Variants in UBE2L3 observed in about 807,000 individuals in gnomAD.
The protein encoded by UBE2L3 is ubiquitin-conjugating enzyme E2 L3.
In UBE2L3, 1 loss-of-function variant was observed where a neutral mutation model predicts 17.8. That is an observed-to-expected ratio of 0.06 (90% CI 0.02 to 0.27). The LOEUF is 0.27. UBE2L3 is among the 10% of genes least tolerant of loss of function. The pLI is 1.00. For missense variants in UBE2L3, 40 were observed against 192.6 expected, an observed-to-expected ratio of 0.21 and a Z score of 4.69; for synonymous variants, 44 against 68.5, an observed-to-expected ratio of 0.64 and a Z score of 1.76.
intron 1 of UBE2L3, among the ~76,000 whole-genome samples, chr22:21,583,917 C>T (rs1297116321): frequency 6.6e-6 from 1 of 152,054 alleles, no homozygotes; most frequent in Non-Finnish European, 1.5e-5. Context: ...ACTCGTTGCC[C>T]AGGCCGGAGT....
At chr22:21,617,598 A>AG (rs1201231426) in intron 3 of UBE2L3, among the ~76,000 whole-genome samples, 1 of 152,096 alleles carries the variant, frequency 6.6e-6, no homozygotes, top group Non-Finnish European at 1.5e-5. Flanking sequence ...TACATTTTGC[A>AG]GAAAAAAAAA....
At chr22:21,566,854 C>CT (rs1926657733), upstream of UBE2L3, among the ~76,000 whole-genome samples, 2 of 152,196 alleles carry the variant, frequency 1.3e-5, no homozygotes, top group Non-Finnish European at 2.9e-5. Context: ...CCAGCATTGG[C>CT]TTTGGAGCCA....
At chr22:21,563,191 G>A (rs1310060425), upstream of UBE2L3, among the ~76,000 whole-genome samples, 1 of 147,750 alleles carries the variant, frequency 6.8e-6, no homozygotes, top group East Asian at 2.0e-4. Flanking sequence ...GCAGTGAGCC[G>A]AGATTGCGCC....
intron 1 of UBE2L3, chr22:21,568,412 C>G: frequency 2.0e-6 from 2 of 985,418 alleles, no homozygotes; most frequent in Non-Finnish European, 1.2e-6. Context: ...TGAGGTCGGC[C>G]CCGATCGCGG....
rs1208813458 is a variant in UBE2L3 at position 21,576,446 on chromosome 22, C to T, written c.27+8675C>T. ...CCGAGTAGCCAGGACTACAAGTGCCCGCCACCATGCCCAGCTAATTTTTTT... is the reference window on the plus strand; with the variant it reads ...CCGAGTAGCCAGGACTACAAGTGCCTGCCACCATGCCCAGCTAATTTTTTT... On this transcript the variant is annotated intron_variant, in intron 1 of 3. Transcript: ENST00000342192. Among the ~76,000 whole-genome samples the T allele has an allele frequency of 3.9e-5, 6 of 151,928 alleles. No individual in the cohort carries two copies. The South Asian group carries it at 1.0e-3, about 26-fold the overall frequency.
At chr22:21,581,421 C>T (rs1163960467) in intron 1 of UBE2L3, among the ~76,000 whole-genome samples, 1 of 152,050 alleles carries the variant, frequency 6.6e-6, no homozygotes, top group Non-Finnish European at 1.5e-5. Context: ...AACTCCTGGC[C>T]TCAAGCGATC....
chr22:21,615,685 C>A (rs764548448), intron 3 of UBE2L3, among the ~76,000 whole-genome samples: 3 of 152,190 alleles, frequency 2.0e-5, no homozygotes, highest in Non-Finnish European at 2.9e-5. Flanking sequence ...TGCCTACTCA[C>A]TAAAGTTTTT....
chr22:21,581,851 C>T (rs924991449), intron 1 of UBE2L3, among the ~76,000 whole-genome samples: 4 of 151,468 alleles, frequency 2.6e-5, no homozygotes, highest in Non-Finnish European at 4.4e-5. Context: ...GTAGCTCATG[C>T]CTATAATCCC....
intron 1 of UBE2L3, among the ~76,000 whole-genome samples, chr22:21,562,584 G>A (rs957958834): frequency 7.9e-5 from 12 of 151,404 alleles, no homozygotes; most frequent in African/African-American, 2.9e-4. Flanking sequence ...TGTTAGCCAG[G>A]ATGGTCTCGA....
At chr22:21,577,242 AC>A (rs1216510358) in intron 1 of UBE2L3, among the ~76,000 whole-genome samples, 1 of 152,070 alleles carries the variant, frequency 6.6e-6, no homozygotes, top group African/African-American at 2.4e-5. Flanking sequence ...TGCTGGTATT[AC>A]AGGCGTGAGC....
chr22:21,602,380 A>G (rs1928913415), intron 2 of UBE2L3, among the ~76,000 whole-genome samples: 1 of 152,212 alleles, frequency 6.6e-6, no homozygotes, highest in South Asian at 2.1e-4. Flanking sequence ...CAGCAGTCCA[A>G]GTCAGACAAC....
intron 1 of UBE2L3, among the ~76,000 whole-genome samples, chr22:21,556,349 C>T (rs1293633477): frequency 6.6e-6 from 1 of 152,192 alleles, no homozygotes; most frequent in East Asian, 1.9e-4. Context: ...GAGCAATGAT[C>T]ATGCCACTGC....
At chr22:21,570,927 A>C (rs893798556) in intron 1 of UBE2L3, among the ~76,000 whole-genome samples, 3 of 152,252 alleles carry the variant, frequency 2.0e-5, no homozygotes, top group African/African-American at 7.2e-5. Flanking sequence ...GACATTCCAC[A>C]GCAAAGATTT....
At chr22:21,592,618 G>A (rs1928324573) in intron 1 of UBE2L3, among the ~76,000 whole-genome samples, 1 of 152,178 alleles carries the variant, frequency 6.6e-6, no homozygotes, top group Non-Finnish European at 1.5e-5. Context: ...TCCTATTCAG[G>A]GGGGTTCACT....
upstream of UBE2L3, among the ~76,000 whole-genome samples, chr22:21,563,410 A>G (rs1050711183): frequency 4.1e-5 from 6 of 145,934 alleles, no homozygotes; most frequent in African/African-American, 1.5e-4. Flanking sequence ...AAAAAAAAAA[A>G]AATTAGCCAG....
chr22:21,567,777 A>T lies in UBE2L3; in HGVS notation c.27+6A>T. The T allele has an allele frequency of 6.3e-7, 1 of 1,581,734 alleles. No individual in the cohort carries two copies. Among genetic ancestry groups the T allele is most frequent in the Non-Finnish European group, 8.6e-7 (1 of 1,165,326 alleles). ...CCAGCAGGAGGCTGATGAAGGTAAA[A>T]GCCATTCTCTGGCAGCGGCCGGGCG... On this transcript the variant is annotated splice_donor_region_variant and intron_variant, in intron 1 of 3. Transcript: ENST00000342192.
intron 3 of UBE2L3, chr22:21,614,486 A>T (rs1929663568): frequency 9.9e-7 from 1 of 1,008,714 alleles, no homozygotes; most frequent in Admixed American, 2.1e-5. Flanking sequence ...CTCCTGCTGT[A>T]ATCTTCCAGC....
At chr22:21,565,293 C>T (rs113535489), upstream of UBE2L3, among the ~76,000 whole-genome samples, 3 of 151,578 alleles carry the variant, frequency 2.0e-5, 1 homozygote, top group Admixed American at 6.6e-5. Flanking sequence ...GGGGTTTCAC[C>T]GTGTTAGCCA....
intron 1 of UBE2L3, among the ~76,000 whole-genome samples, chr22:21,576,928 T>C (rs1927337045): frequency 6.8e-6 from 1 of 146,918 alleles, no homozygotes; most frequent in Non-Finnish European, 1.5e-5. Context: ...CTCAGCCTCC[T>C]GAGTAGCTGG....
Sources: gnomAD v4.1 joint callset for allele counts (sites outside exome capture counted in the v4.1 genomes callset) on GRCh38, gnomAD v4.1.1 for gene constraint, MANE v1.5 for transcripts, NCBI Gene and HGNC (gene_info 2026-07-23, HGNC 2026-07-21) for gene names.